The following EXT2 variants were observed in gnomAD, a reference collection of about 807,000 sequenced individuals.
The protein encoded by EXT2 is exostosin-2.
EXT2 carries 53 observed loss-of-function variants against 81.6 expected under a neutral mutation model. That is an observed-to-expected ratio of 0.65 (90% CI 0.52 to 0.82). EXT2 has a LOEUF of 0.82. Ranked by LOEUF, EXT2 falls within the 40% of genes least tolerant of loss-of-function variation. EXT2 has a pLI of 0.00. For synonymous variants in EXT2, 320 were observed against 340.0 expected (o/e 0.94, Z 0.65); for missense variants, 774 against 910.2 (o/e 0.85, Z 1.93).
At chr11:44,178,812 AT>A (rs953211910) in intron 8 of EXT2, among the ~76,000 whole-genome samples, 46 of 149,016 alleles carry the variant, frequency 3.1e-4, no homozygotes, top group African/African-American at 4.7e-4. Flanking sequence ...AAAAAAAAAA[AT>A]GTATGGAATT....
chr11:44,184,219 G>C (rs1955276298), intron 8 of EXT2, among the ~76,000 whole-genome samples: 1 of 152,212 alleles, frequency 6.6e-6, no homozygotes, highest in Admixed American at 6.5e-5. Context: ...GAAGCAGTAA[G>C]CTCTTTCTCT....
intron 3 of EXT2, among the ~76,000 whole-genome samples, chr11:44,111,196 G>A (rs922745998): frequency 2.6e-5 from 4 of 152,082 alleles, no homozygotes; most frequent in Non-Finnish European, 5.9e-5. Flanking sequence ...GAAGGGAAAT[G>A]TCTGCTCAGT....
At position 44,220,947 on chromosome 11, in the gene EXT2, A is replaced by T. The variant is rs961108218; in HGVS notation, c.1663-11406A>T. Among the ~76,000 whole-genome samples, 3 of 152,252 alleles carry T rather than the reference A, an allele frequency of 2.0e-5. No homozygotes were observed. Among genetic ancestry groups the T allele is most frequent in the African/African-American group, 7.2e-5 (3 of 41,466 alleles). On this transcript the variant is annotated intron_variant, in intron 10 of 13. Coordinates refer to ENST00000533608, the MANE Select transcript of EXT2 (RefSeq NM_207122.2). The surrounding 1 kb of genome is among the most constrained non-coding windows in gnomAD (Gnocchi z 4.4). ...GAAGGAAATCAAATATGTTTGCTGA[A>T]CATTGAAATAACATCTGATCATTGA...
At chr11:44,210,891 A>T (rs1955639928) in intron 10 of EXT2, among the ~76,000 whole-genome samples, 1 of 152,204 alleles carries the variant, frequency 6.6e-6, no homozygotes, top group East Asian at 1.9e-4. Context: ...TTCTTCCCAA[A>T]TTGTATAGAT....
Position 44,134,049 on chromosome 11 carries a change from C to G in EXT2, c.1173+3911C>G, listed in dbSNP as rs78138450. On this transcript the variant is annotated intron_variant, in intron 7 of 13. Transcript: ENST00000533608. ...TAAGACTTTTGAAAAAAAGTACAACCTGTGTCTCTGGTATCTATTCCTGAA... is the reference window on the plus strand; with the variant it reads ...TAAGACTTTTGAAAAAAAGTACAACGTGTGTCTCTGGTATCTATTCCTGAA... Among the ~76,000 whole-genome samples, 882 of 152,286 alleles carry G rather than the reference C, an allele frequency of 5.8e-3. 14 individuals are homozygous for G. Among genetic ancestry groups the G allele is most frequent in the African/African-American group, 0.02 (839 of 41,554 alleles).
At chr11:44,171,794 G>T in intron 8 of EXT2, 52 bp downstream of exon 8, 1 of 1,611,238 alleles carries the variant, frequency 6.2e-7, no homozygotes, top group Non-Finnish European at 8.5e-7. Context: ...CTGTCAGGGT[G>T]GGTGGAAGGA....
Position 44,248,994 on chromosome 11 carries a change from G to GT in EXT2, c.*4715dup, listed in dbSNP as rs975103689. 8.1e-4 allele frequency among the ~76,000 whole-genome samples: 123 copies of GT among 150,982 alleles called. No homozygotes were observed. Among genetic ancestry groups the GT allele is most frequent in the African/African-American group, 1.7e-3 (71 of 40,826 alleles). ...TTTGTTTGTTTGTTTGTTTGTTTTTGTTTTTTTTGTTTTTTCTTTGGAAAC... is the reference window on the plus strand; with the variant it reads ...TTTGTTTGTTTGTTTGTTTGTTTTTGTTTTTTTTTGTTTTTTCTTTGGAAAC... On this transcript the variant is annotated 3_prime_UTR_variant, in exon 14 of 14. Coordinates refer to ENST00000533608, the MANE Select transcript of EXT2 (RefSeq NM_207122.2).
chr11:44,106,867 GATC>G (rs1954063016), intron 1 of EXT2, among the ~76,000 whole-genome samples: 1 of 152,208 alleles, frequency 6.6e-6, no homozygotes, highest in Admixed American at 6.5e-5. Context: ...GACCTCAGGT[GATC>G]CACCCATCTT....
At chr11:44,168,495 C>T (rs1955026158) in intron 7 of EXT2, among the ~76,000 whole-genome samples, 1 of 152,158 alleles carries the variant, frequency 6.6e-6, no homozygotes. Context: ...TGAAGAAGCG[C>T]TACAATCCTC....
At chr11:44,236,994 A>G (rs1002597147) in intron 13 of EXT2, among the ~76,000 whole-genome samples, 1 of 152,218 alleles carries the variant, frequency 6.6e-6, no homozygotes, top group African/African-American at 2.4e-5. Flanking sequence ...CGTTAAGACT[A>G]TACTAGACCT....
intron 10 of EXT2, among the ~76,000 whole-genome samples, chr11:44,218,398 G>A (rs528264661): frequency 6.6e-6 from 1 of 152,162 alleles, no homozygotes; most frequent in Admixed American, 6.5e-5. Context: ...TGGAAGCTAG[G>A]CTGCTTAGGG....
At chr11:44,189,155 C>G (rs899722447) in intron 8 of EXT2, among the ~76,000 whole-genome samples, 1 of 152,146 alleles carries the variant, frequency 6.6e-6, no homozygotes, top group Non-Finnish European at 1.5e-5. Flanking sequence ...TCAGTACCCC[C>G]AAATGTGATG....
chr11:44,183,826 T>C (rs1483729405), intron 8 of EXT2, among the ~76,000 whole-genome samples: 1 of 152,236 alleles, frequency 6.6e-6, no homozygotes, highest in East Asian at 1.9e-4. Flanking sequence ...CATCTTTTTT[T>C]CTCACATTTT....
At chr11:44,177,489 G>C (rs1007658639) in intron 8 of EXT2, among the ~76,000 whole-genome samples, 76 of 152,298 alleles carry the variant, frequency 5.0e-4, no homozygotes, top group African/African-American at 1.8e-3. Context: ...TTCTCTGCCA[G>C]ATGTGAACAT....
chr11:44,187,594 A>G (rs1181353503), intron 8 of EXT2, among the ~76,000 whole-genome samples: 1 of 152,202 alleles, frequency 6.6e-6, no homozygotes, highest in African/African-American at 2.4e-5. Flanking sequence ...AGTGTTGATA[A>G]TTATAAGGTT....
At chr11:44,189,467 T>C (rs1192042218) in intron 8 of EXT2, among the ~76,000 whole-genome samples, 4 of 152,234 alleles carry the variant, frequency 2.6e-5, no homozygotes, top group Non-Finnish European at 5.9e-5. Context: ...CTGCAGGCTG[T>C]ACAGGCTTCT....
At chr11:44,096,088 C>T (rs2134931706) in intron 1 of EXT2, 1 of 710,024 alleles carries the variant, frequency 1.4e-6, no homozygotes, top group East Asian at 2.7e-5. Context: ...CCGGCGGCGG[C>T]CGCGCTTTCA....
chr11:44,135,636 C>A (rs1185091910), intron 7 of EXT2, among the ~76,000 whole-genome samples: 1 of 152,146 alleles, frequency 6.6e-6, no homozygotes, highest in Non-Finnish European at 1.5e-5. Context: ...AAGCAATCAG[C>A]CCTCCTCAGC....
chr11:44,160,017 G>C, intron 7 of EXT2, among the ~76,000 whole-genome samples: 1 of 152,232 alleles, frequency 6.6e-6, no homozygotes, highest in Non-Finnish European at 1.5e-5. Flanking sequence ...AGAACAAAAT[G>C]CTCTGGTATA....
Sources: allele counts gnomAD v4.1 joint callset (sites outside exome capture counted in the v4.1 genomes callset), GRCh38; gene constraint gnomAD v4.1.1; non-coding constraint Gnocchi (gnomAD v3.1); transcripts MANE v1.5; gene names NCBI Gene and HGNC (gene_info 2026-07-23, HGNC 2026-07-21).